The following GABRG3 variants were observed in gnomAD, a reference collection of about 807,000 sequenced individuals.
The protein encoded by GABRG3 is gamma-aminobutyric acid receptor subunit gamma-3.
A neutral mutation model predicts 48.8 loss-of-function variants in GABRG3; 25 were observed. That is an observed-to-expected ratio of 0.51 (90% confidence interval 0.37 to 0.72). The LOEUF is 0.72. GABRG3 is among the 30% of genes least tolerant of loss of function. GABRG3 has a pLI of 0.00. For synonymous variants in GABRG3, 227 were observed against 217.6 expected, an observed-to-expected ratio of 1.04 and a Z score of -0.38; for missense variants, 394 against 577.9, an observed-to-expected ratio of 0.68 and a Z score of 3.26.
chr15:27,088,411 G>T (rs924387307), intron 3 of GABRG3, among the ~76,000 whole-genome samples: 1 of 152,092 alleles, frequency 6.6e-6, no homozygotes, highest in African/African-American at 2.4e-5. Context: ...GCAGGGCTGG[G>T]AGTCTGCAGC....
intron 3 of GABRG3, among the ~76,000 whole-genome samples, chr15:27,104,370 G>T (rs1312670167): frequency 6.6e-6 from 1 of 152,208 alleles, no homozygotes; most frequent in Non-Finnish European, 1.5e-5. Context: ...GGCCAAAGTG[G>T]CGCGTGAGTT....
chr15:27,500,040 A>G (rs1344368203), intron 6 of GABRG3, among the ~76,000 whole-genome samples: 1 of 152,218 alleles, frequency 6.6e-6, no homozygotes, highest in African/African-American at 2.4e-5. Flanking sequence ...GCAAGGAGGC[A>G]TGGAAGAGCA....
chr15:27,387,662 G>T (rs1435998220), intron 5 of GABRG3, among the ~76,000 whole-genome samples: 2 of 151,620 alleles, frequency 1.3e-5, no homozygotes, highest in African/African-American at 4.9e-5. Context: ...CTTTGCTGTT[G>T]TTTGCTTAGT....
At chr15:27,512,933 G>A (rs1003085535) in intron 6 of GABRG3, among the ~76,000 whole-genome samples, 5 of 152,198 alleles carry the variant, frequency 3.3e-5, no homozygotes, top group South Asian at 2.1e-4. Context: ...AAGACAAAAC[G>A]TAAAACACTA....
At chr15:27,487,293 C>A (rs115550484) in intron 6 of GABRG3, among the ~76,000 whole-genome samples, 2,399 of 152,264 alleles carry the variant, frequency 0.016, 25 homozygotes, top group Middle Eastern at 0.044. Context: ...TTACTCCTTC[C>A]ATGGGACCTG....
Position 27,326,994 on chromosome 15 carries a change from G to T in GABRG3, c.456G>T (p.Arg152=). 6.2e-7 allele frequency: 1 copy of T among 1,613,978 alleles called. No homozygotes were observed. Among genetic ancestry groups the T allele is most frequent in the East Asian group, 2.2e-5 (1 of 44,878 alleles). ...TCACCACACCCAATCAGCTCCTCCG[G>T]ATTTGGAATGACGGGAAAATCCTTT... ...HWITTPNQLL[R]IWNDGKILYT... Residue 152 remains arginine (R), a synonymous_variant, in exon 4 of 10, where the codon CGG becomes CGT. Transcript: ENST00000615808.
At chr15:27,280,941 A>G (rs1891413187) in intron 3 of GABRG3, among the ~76,000 whole-genome samples, 1 of 152,152 alleles carries the variant, frequency 6.6e-6, no homozygotes, top group African/African-American at 2.4e-5. Flanking sequence ...CAACTATAAC[A>G]GTGGATGTGT....
At chr15:27,240,116 C>T (rs551832757) in intron 3 of GABRG3, among the ~76,000 whole-genome samples, 70 of 152,250 alleles carry the variant, frequency 4.6e-4, no homozygotes, top group African/African-American at 1.5e-3. Context: ...CTAGACAAAC[C>T]CACTGGGATC....
At chr15:27,155,723 A>G (rs1322554795) in intron 3 of GABRG3, among the ~76,000 whole-genome samples, 1 of 152,092 alleles carries the variant, frequency 6.6e-6, no homozygotes, top group Non-Finnish European at 1.5e-5. Flanking sequence ...GCTTCCCTCT[A>G]GGTCCCTGCA....
At chr15:27,270,455 T>C (rs1385297640) in intron 3 of GABRG3, among the ~76,000 whole-genome samples, 1 of 152,178 alleles carries the variant, frequency 6.6e-6, no homozygotes, top group African/African-American at 2.4e-5. Context: ...GGAAAAGTTC[T>C]ATTGAAAGAT....
rs189712044 is a variant in GABRG3 at position 27,422,681 on chromosome 15, A to G, written c.575-57969A>G. The stretch of plus-strand genomic sequence containing the variant: ...CTTTCCCCCACTGGGTTTCTTTGTC[A>G]TACTGTTTGTTTTTTGAGGCTTAAA... On this transcript the variant is annotated intron_variant, in intron 5 of 9. Transcript: ENST00000615808. Among the ~76,000 whole-genome samples, 426 of 152,292 alleles carry G rather than the reference A, an allele frequency of 2.8e-3. 1 individual carries two copies. The highest frequency in any genetic ancestry group is 9.6e-3 in the African/African-American group (399 of 41,564).
chr15:27,008,239 A>T (rs575500218), intron 2 of GABRG3, among the ~76,000 whole-genome samples: 2 of 152,376 alleles, frequency 1.3e-5, no homozygotes, highest in Non-Finnish European at 1.5e-5. Context: ...ACTCAAATGC[A>T]TTAGAACGTA....
intron 5 of GABRG3, chr15:27,366,303 C>G (rs1452525983): frequency 6.6e-6 from 1 of 152,194 alleles, no homozygotes; most frequent in Non-Finnish European, 1.5e-5. Context: ...ACTCCGGGCT[C>G]TTTCCTGCAT....
chr15:27,449,211 T>C (rs1004749259), intron 5 of GABRG3, among the ~76,000 whole-genome samples: 11 of 152,208 alleles, frequency 7.2e-5, no homozygotes, highest in African/African-American at 2.7e-4. Context: ...GAACTCTGCC[T>C]GTGCATACTC....
intron 6 of GABRG3, among the ~76,000 whole-genome samples, chr15:27,481,797 A>G (rs1890106436): frequency 6.6e-6 from 1 of 152,162 alleles, no homozygotes; most frequent in Admixed American, 6.5e-5. Context: ...GAACACCACA[A>G]TTTATTTAAA....
chr15:27,021,536 A>T lies in GABRG3; in HGVS notation c.203-5218A>T, dbSNP rs115705492. Among the ~76,000 whole-genome samples the T allele has an allele frequency of 6.3e-3, 965 of 152,288 alleles. 6 individuals are homozygous for T. The highest frequency in any genetic ancestry group is 0.022 in the African/African-American group (925 of 41,564). On this transcript the variant is annotated intron_variant, in intron 2 of 9. Transcript: ENST00000615808. ...TTAATTTCCCTAAAAGACCCCAGAC[A>T]CTTACTCGAAATTTATGTGAGTGGC... is the stretch of plus-strand genomic sequence containing the variant.
chr15:27,292,340 G>A (rs1440606207), intron 3 of GABRG3, among the ~76,000 whole-genome samples: 1 of 151,714 alleles, frequency 6.6e-6, no homozygotes, highest in Non-Finnish European at 1.5e-5. Flanking sequence ...GCAACAGGTT[G>A]ATGGGTGCAG....
rs1477249575 is a variant in GABRG3, at chr15:27,316,129, A to T, written c.271-10680A>T. Among the ~76,000 whole-genome samples the T allele has an allele frequency of 2.0e-5, 3 of 152,206 alleles. No individual in the cohort carries two copies. The East Asian group carries it at 5.8e-4, about 29-fold the overall frequency. On this transcript the variant is annotated intron_variant, in intron 3 of 9. Transcript: ENST00000615808. ...GCCGGGCGCGGTGGCTCACGCCTGT[A>T]ATCCCAGCACTTTGGGAGGCCGAGG...
At chr15:27,511,015 C>T (rs778871736) in intron 6 of GABRG3, among the ~76,000 whole-genome samples, 6 of 151,730 alleles carry the variant, frequency 4.0e-5, no homozygotes, top group Non-Finnish European at 8.8e-5. Flanking sequence ...ATGTAGTGTG[C>T]GATAGAGAAG....
Sources: gnomAD v4.1 joint callset for allele counts (sites outside exome capture counted in the v4.1 genomes callset) on GRCh38, gnomAD v4.1.1 for gene constraint, MANE v1.5 for transcripts, NCBI Gene and HGNC (gene_info 2026-07-23, HGNC 2026-07-21) for gene names.